The following NFASC variants were observed in gnomAD, a reference collection of about 807,000 sequenced individuals.
NFASC encodes the protein neurofascin.
A neutral mutation model predicts 147.5 loss-of-function variants in NFASC; 43 were observed. That is an observed-to-expected ratio of 0.29 (90% CI 0.23 to 0.38). NFASC has a LOEUF of 0.38. Among genes scored for constraint, NFASC ranks in the 10% least tolerant of loss-of-function variants. NFASC has a pLI of 1.00. For synonymous variants in NFASC, 622 were observed against 665.5 expected (o/e 0.93, Z 1.01); for missense variants, 1,320 against 1,689.0 (o/e 0.78, Z 3.83).
chr1:204,894,487 T>C (rs1339361837), intron 1 of NFASC, among the ~76,000 whole-genome samples: 1 of 152,228 alleles, frequency 6.6e-6, no homozygotes. Context: ...TGTTTTACCA[T>C]TGAGGCAAAT....
rs191028360 is a variant in NFASC at position 204,953,512 on chromosome 1, G to A, written c.216-676G>A. On this transcript the variant is annotated intron_variant, in intron 5 of 29. Transcript: ENST00000339876. ...GGGGTTTCACCGAGTTAGCCAGGAT[G>A]GTCTCGATCTCCTGACCTCGTGATC... 5.5e-3 allele frequency among the ~76,000 whole-genome samples: 838 copies of A among 152,236 alleles called. 9 individuals are homozygous for A. Among genetic ancestry groups the A allele is most frequent in the African/African-American group, 0.019 (785 of 41,534 alleles).
chr1:205,001,234 C>T lies in NFASC; in HGVS notation c.3084C>T (p.Thr1028=), dbSNP rs757577817. ...VLPNSKWANI[T]WKHNFGPGTD... Reference sequence around the variant, plus strand: ...CCAACAGTAAATGGGCCAACATCACCTGGAAGCACAATTTCGGGCCCGGAA... The same window carrying T: ...CCAACAGTAAATGGGCCAACATCACTTGGAAGCACAATTTCGGGCCCGGAA... The change falls in exon 26 of 30, where the codon ACC becomes ACT. Residue 1028 remains threonine (T), a synonymous_variant. Coordinates refer to ENST00000339876, the MANE Select transcript of NFASC (RefSeq NM_001005388.3). 2 of 1,612,934 alleles carry T rather than the reference C, an allele frequency of 1.2e-6. No homozygotes were observed. The highest frequency in any genetic ancestry group is 8.5e-7 in the Non-Finnish European group (1 of 1,179,450).
rs1053820855 is a variant in NFASC at position 205,018,266 on chromosome 1, C to A, written c.*1727C>A. ...GATCAGCTGCCATGGGCACAGCCTCCGATTTGAGCCTCTCCGGCTGCCAGC... is the reference window on the plus strand; with the variant it reads ...GATCAGCTGCCATGGGCACAGCCTCAGATTTGAGCCTCTCCGGCTGCCAGC... On this transcript the variant is annotated 3_prime_UTR_variant, in exon 30 of 30. Coordinates refer to ENST00000339876, the MANE Select transcript of NFASC (RefSeq NM_001005388.3). 2 of 152,414 alleles carry A rather than the reference C, an allele frequency of 1.3e-5. No homozygotes were observed. The highest frequency in any genetic ancestry group is 4.8e-5 in the African/African-American group (2 of 41,454). The allele number at this position is 152,414 out of a possible 1,614,324, so 9.4% of individuals were successfully genotyped here. A position where few individuals can be genotyped will look rare whatever the true frequency, so the allele number is the denominator to read the frequency against.
At chr1:204,901,112 A>C (rs934024090) in intron 1 of NFASC, among the ~76,000 whole-genome samples, 16 of 152,314 alleles carry the variant, frequency 1.1e-4, no homozygotes, top group Admixed American at 3.3e-4. Flanking sequence ...GTGGTGGGGC[A>C]GGGAAGTGCG....
chr1:204,872,189 C>G (rs1038274236), intron 1 of NFASC, among the ~76,000 whole-genome samples: 5 of 152,230 alleles, frequency 3.3e-5, no homozygotes, highest in Admixed American at 6.5e-5. Context: ...CACCCCAGGA[C>G]AGAGTGTCAG....
intron 1 of NFASC, among the ~76,000 whole-genome samples, chr1:204,911,469 C>T (rs773436593): frequency 2.0e-5 from 3 of 152,216 alleles, no homozygotes; most frequent in Non-Finnish European, 2.9e-5. Flanking sequence ...CCTCGTGCCT[C>T]AGCCCCCTAA....
chr1:204,996,543 G>A (rs1205326395), intron 24 of NFASC, among the ~76,000 whole-genome samples: 1 of 152,192 alleles, frequency 6.6e-6, no homozygotes, highest in Non-Finnish European at 1.5e-5. Flanking sequence ...GAATGACCGA[G>A]GAGAGCCAAG....
At chr1:204,855,449 G>A (rs1367198141) in intron 1 of NFASC, among the ~76,000 whole-genome samples, 6 of 152,156 alleles carry the variant, frequency 3.9e-5, no homozygotes, top group East Asian at 3.9e-4. Context: ...GTGAAAAAAC[G>A]AAAAAAGACT....
At chr1:204,934,197 A>G (rs150239512) in intron 2 of NFASC, among the ~76,000 whole-genome samples, 354 of 150,750 alleles carry the variant, frequency 2.3e-3, no homozygotes, top group Middle Eastern at 0.011. Flanking sequence ...TGAGGCAGAG[A>G]GCCAGTTGAG....
chr1:204,909,503 T>C (rs1480454507), intron 1 of NFASC, among the ~76,000 whole-genome samples: 1 of 152,232 alleles, frequency 6.6e-6, no homozygotes, highest in Non-Finnish European at 1.5e-5. Flanking sequence ...TAGAACTAGT[T>C]CTTCGTCATA....
chr1:204,883,210 G>A (rs963161227), intron 1 of NFASC, among the ~76,000 whole-genome samples: 8 of 152,336 alleles, frequency 5.3e-5, no homozygotes, highest in African/African-American at 1.9e-4. Context: ...TATGTGGCAA[G>A]CACTATAGGC....
intron 17 of NFASC, among the ~76,000 whole-genome samples, chr1:204,978,395 G>C (rs2095448108): frequency 6.6e-6 from 1 of 152,180 alleles, no homozygotes; most frequent in African/African-American, 2.4e-5. Flanking sequence ...CTGTCCTGCT[G>C]TCCATCAATG....
In NFASC at chr1:204,968,910, T is replaced by G. The variant is rs757510079; in HGVS notation, c.931T>G (p.Ser311Ala). The change falls in exon 10 of 30, where the codon TCC (serine) becomes GCC (alanine). Residue 311 changes from serine to alanine, a missense_variant. Around this residue, in one of 3 missense-constraint regions of NFASC, gnomAD observed 981 missense variants for 1,289.5 expected, o/e 0.76. Transcript: ENST00000339876. The surrounding 1 kb of genome is among the most constrained non-coding windows in gnomAD (Gnocchi z 5.4). ...TATCACAAATGTCTCTGAGGAAGAC[T>G]CCGGGGAGTATTTCTGCCTGGCCTC... is the stretch of plus-strand genomic sequence containing the variant. The part of the protein sequence containing the change: ...LRITNVSEED[S>A]GEYFCLASNK... The G allele has an allele frequency of 6.2e-7, 1 of 1,613,986 alleles. No homozygotes were observed. Among genetic ancestry groups the G allele is most frequent in the Non-Finnish European group, 8.5e-7 (1 of 1,180,000 alleles).
At chr1:204,865,832 C>T (rs373116346) in intron 1 of NFASC, among the ~76,000 whole-genome samples, 1 of 152,100 alleles carries the variant, frequency 6.6e-6, no homozygotes, top group South Asian at 2.1e-4. Flanking sequence ...GGCTGAATAC[C>T]CAGAGGTAGA....
In NFASC at chr1:204,984,392, T is replaced by C. The variant is rs867148517; in HGVS notation, c.2470+2372T>C. The C allele has an allele frequency of 9.5e-4, 144 of 151,108 alleles. 1 individual carries two copies. In the Middle Eastern group the frequency reaches 0.039, roughly 41 times the overall value. The allele number at this position is 151,108 out of a possible 1,614,324, so 9.4% of individuals were successfully genotyped here. A position where few individuals can be genotyped will look rare whatever the true frequency, so the allele number is the denominator to read the frequency against. ...GTGTATATATATACGCATATATATA[T>C]ATATATATATATATATATACACCCA... On this transcript the variant is annotated intron_variant, in intron 21 of 29. Transcript: ENST00000339876.
At chr1:204,908,083 G>C (rs967493087) in intron 1 of NFASC, among the ~76,000 whole-genome samples, 8 of 152,162 alleles carry the variant, frequency 5.3e-5, no homozygotes, top group Admixed American at 2.6e-4. Flanking sequence ...CTGGGCTCAA[G>C]TGATTCTCCT....
chr1:204,945,465 A>G (rs574138160), intron 3 of NFASC, among the ~76,000 whole-genome samples: 185 of 152,336 alleles, frequency 1.2e-3, no homozygotes, highest in African/African-American at 4.4e-3. Flanking sequence ...AGTTTGGAGA[A>G]GAGTTGGAGG....
chr1:204,976,462 C>G (rs928481556), intron 15 of NFASC, among the ~76,000 whole-genome samples: 1 of 152,204 alleles, frequency 6.6e-6, no homozygotes, highest in African/African-American at 2.4e-5. Flanking sequence ...GCTCCGCCCA[C>G]TCTCTGTTCC....
intron 1 of NFASC, among the ~76,000 whole-genome samples, chr1:204,899,926 T>C (rs1271603228): frequency 6.6e-6 from 1 of 152,234 alleles, no homozygotes; most frequent in Non-Finnish European, 1.5e-5. Context: ...AAAAATCATT[T>C]GAGCTTCAAT....
Sources: allele counts gnomAD v4.1 joint callset (sites outside exome capture counted in the v4.1 genomes callset), GRCh38; gene constraint gnomAD v4.1.1; regional missense constraint gnomAD v4.1.1; non-coding constraint Gnocchi (gnomAD v3.1); transcripts MANE v1.5; gene names NCBI Gene and HGNC (gene_info 2026-07-23, HGNC 2026-07-21).